KANK1: variants seen among roughly 807,000 people sequenced by gnomAD.
The protein encoded by KANK1 is KN motif and ankyrin repeat domain-containing protein 1.
A neutral mutation model predicts 106.2 loss-of-function variants in KANK1; 109 were observed. That is an observed-to-expected ratio of 1.03 (90% CI 0.88 to 1.20). The LOEUF (loss-of-function observed/expected upper bound fraction) is 1.20, where lower values mean the gene tolerates loss of function less well. KANK1 is among the 50% of genes most tolerant of loss of function. KANK1 has a pLI of 0.00. For synonymous variants in KANK1, 873 were observed against 652.2 expected (o/e 1.34, Z -5.16); for missense variants, 2,399 against 1,710.7 (o/e 1.40, Z -7.10).
intron 2 of KANK1, among the ~76,000 whole-genome samples, chr9:705,457 G>C (rs919056478): frequency 1.5e-4 from 23 of 152,064 alleles, no homozygotes; most frequent in African/African-American, 4.6e-4. Flanking sequence ...CTGCACTCTA[G>C]CAAGTTTATT....
At chr9:557,996 C>CTG (rs34119794) in intron 1 of KANK1, among the ~76,000 whole-genome samples, 2 of 49,340 alleles carry the variant, frequency 4.1e-5, no homozygotes, top group Non-Finnish European at 1.2e-4. Context: ...CAGAGCAAGA[C>CTG]TCTCTCAAAA....
chr9:578,860 C>G (rs1347922727), intron 1 of KANK1, among the ~76,000 whole-genome samples: 1 of 152,138 alleles, frequency 6.6e-6, no homozygotes, highest in Non-Finnish European at 1.5e-5. Flanking sequence ...AATGTAGGCT[C>G]AAGCTATGCT....
At chr9:560,989 G>A (rs1816269879) in intron 1 of KANK1, among the ~76,000 whole-genome samples, 1 of 152,172 alleles carries the variant, frequency 6.6e-6, no homozygotes, top group Non-Finnish European at 1.5e-5. Flanking sequence ...TAATGGCACA[G>A]TACTCAGAAT....
rs528062780 is a variant in KANK1, at chr9:517,849, C to T, written c.-84+13095C>T. Reference sequence around the variant, plus strand: ...CGCCTCCCAGGTTCAAGTAGTTCTCCCGCCTCAGCCTCCCAAGTAGCTGGA... The same window carrying T: ...CGCCTCCCAGGTTCAAGTAGTTCTCTCGCCTCAGCCTCCCAAGTAGCTGGA... On this transcript the variant is annotated intron_variant, in intron 1 of 11. Transcript: ENST00000382297. Among the ~76,000 whole-genome samples the T allele has an allele frequency of 2.2e-4, 33 of 151,148 alleles. 2 individuals carry two copies. Among genetic ancestry groups the T allele is most frequent in the Non-Finnish European group, 3.2e-4 (22 of 67,972 alleles).
At chr9:603,905 G>C (rs1828413476) in intron 1 of KANK1, among the ~76,000 whole-genome samples, 1 of 145,544 alleles carries the variant, frequency 6.9e-6, no homozygotes, top group Non-Finnish European at 1.5e-5. Context: ...GTTGCAGTGA[G>C]CCAAGATCAC....
chr9:681,231 C>CA (rs752849819), intron 2 of KANK1, among the ~76,000 whole-genome samples: 1 of 152,046 alleles, frequency 6.6e-6, no homozygotes, highest in East Asian at 1.9e-4. Context: ...AAGCAAAAAA[C>CA]AAAAAACATT....
chr9:692,041 A>G (rs1468546084), intron 2 of KANK1, among the ~76,000 whole-genome samples: 2 of 152,198 alleles, frequency 1.3e-5, no homozygotes, highest in East Asian at 3.8e-4. Flanking sequence ...TCTAAACAAT[A>G]AAACAGAGAT....
intron 1 of KANK1, among the ~76,000 whole-genome samples, chr9:629,527 A>G (rs1404428698): frequency 6.6e-6 from 1 of 152,226 alleles, no homozygotes; most frequent in African/African-American, 2.4e-5. Flanking sequence ...ATGATTCAGT[A>G]ACTTAACTAT....
intron 2 of KANK1, chr9:707,328 G>C (rs553141885): frequency 1.3e-5 from 9 of 709,984 alleles, no homozygotes; most frequent in Middle Eastern, 6.9e-4. Context: ...CGGCCGGGAA[G>C]GTGCGCACTG....
At chr9:571,190 A>ACC (rs1819064828) in intron 1 of KANK1, among the ~76,000 whole-genome samples, 1 of 152,182 alleles carries the variant, frequency 6.6e-6, no homozygotes. Flanking sequence ...GTTTTGTGTG[A>ACC]CATGGTGGTG....
At chr9:702,907 G>A (rs1213403888) in intron 2 of KANK1, among the ~76,000 whole-genome samples, 3 of 152,020 alleles carry the variant, frequency 2.0e-5, no homozygotes, top group South Asian at 2.1e-4. Flanking sequence ...CTCATCTCTC[G>A]TTAACTCGGT....
At chr9:689,265 T>C (rs1475008996) in intron 2 of KANK1, among the ~76,000 whole-genome samples, 1 of 152,158 alleles carries the variant, frequency 6.6e-6, no homozygotes, top group African/African-American at 2.4e-5. Flanking sequence ...TCACATGTGT[T>C]TGGGGAAATG....
chr9:739,492 G>C (rs1047464565), intron 8 of KANK1, among the ~76,000 whole-genome samples: 1 of 152,094 alleles, frequency 6.6e-6, no homozygotes, highest in Admixed American at 6.6e-5. Context: ...CCCTCTTTTT[G>C]GAGCCATGTT....
chr9:679,289 T>G (rs1018129183), intron 2 of KANK1, among the ~76,000 whole-genome samples: 6 of 152,184 alleles, frequency 3.9e-5, no homozygotes, highest in Admixed American at 2.6e-4. Flanking sequence ...AACAGTAATA[T>G]ATATGCAAAC....
At chr9:548,652 T>C (rs1483685480) in intron 1 of KANK1, among the ~76,000 whole-genome samples, 1 of 152,224 alleles carries the variant, frequency 6.6e-6, no homozygotes, top group African/African-American at 2.4e-5. Flanking sequence ...TGTATTTTTA[T>C]GTGTGTATAG....
intron 11 of KANK1, chr9:744,834 T>C: frequency 7.0e-7 from 1 of 1,422,444 alleles, no homozygotes; most frequent in South Asian, 1.5e-5. Context: ...CCATAGAGGT[T>C]TTGATTCTGT....
rs138731196 is a variant in KANK1 at position 562,832 on chromosome 9, G to C, written c.-84+58078G>C. On this transcript the variant is annotated intron_variant, in intron 1 of 11. Coordinates refer to ENST00000382297, the MANE Select transcript of KANK1 (RefSeq NM_015158.5). The stretch of plus-strand genomic sequence containing the variant: ...GTTGGGTCTGATTTTGCTTGATTTT[G>C]CCTTGATGTTTGGCTCATAGTTGCA... Among the ~76,000 whole-genome samples, 318 of 152,190 alleles carry C rather than the reference G, an allele frequency of 2.1e-3. 2 individuals carry two copies. Among genetic ancestry groups the C allele is most frequent in the African/African-American group, 7.2e-3 (298 of 41,528 alleles).
rs1448990513 is a variant in KANK1, at chr9:550,888, T to A, written c.-84+46134T>A. 2.6e-5 allele frequency among the ~76,000 whole-genome samples: 4 copies of A among 152,142 alleles called. No homozygotes were observed. The East Asian group carries it at 7.7e-4, about 29-fold the overall frequency. On this transcript the variant is annotated intron_variant, in intron 1 of 11. Coordinates refer to ENST00000382297, the MANE Select transcript of KANK1 (RefSeq NM_015158.5). ...TCTTTTTCCCAGACTCCAGAATAAT[T>A]TCCTGTGATATGTTTTAGCAGTTTC...
At chr9:475,224 G>A (rs2058083604) in intron 3 of KANK1, among the ~76,000 whole-genome samples, 1 of 151,908 alleles carries the variant, frequency 6.6e-6, no homozygotes, top group South Asian at 2.1e-4. Context: ...ATGCTACGCT[G>A]GTAAGGGAAG....
Sources: gnomAD v4.1 joint callset for allele counts (sites outside exome capture counted in the v4.1 genomes callset) on GRCh38, gnomAD v4.1.1 for gene constraint, MANE v1.5 for transcripts, NCBI Gene and HGNC (gene_info 2026-07-23, HGNC 2026-07-21) for gene names.